Variants in MCTP1 observed in about 807,000 individuals in gnomAD.
MCTP1 encodes the protein multiple C2 and transmembrane domain-containing protein 1.
In MCTP1, 69 loss-of-function variants were observed where a neutral mutation model predicts 120.6. The observed-to-expected ratio is 0.57, with a 90% confidence interval of 0.47 to 0.70. MCTP1 has a LOEUF of 0.70. Ranked by LOEUF, MCTP1 falls within the 30% of genes least tolerant of loss-of-function variation. MCTP1 has a pLI of 0.00. For synonymous variants in MCTP1, 529 were observed against 493.1 expected (o/e 1.07, Z -0.96); for missense variants, 1,203 against 1,248.8 (o/e 0.96, Z 0.55).
Position 94,908,582 on chromosome 5 carries a change from G to T in MCTP1, c.1652+669C>A, listed in dbSNP as rs1311595368. On this transcript the variant is annotated intron_variant, in intron 10 of 22. Coordinates refer to ENST00000515393, the MANE Select transcript of MCTP1 (RefSeq NM_024717.7). Reference sequence around the variant, plus strand: ...TACACCACACTTTATTTCAATATTGGCAGGTTTCAATGTGTTTTGCTACAA... The same window carrying T: ...TACACCACACTTTATTTCAATATTGTCAGGTTTCAATGTGTTTTGCTACAA... Among the ~76,000 whole-genome samples the T allele has an allele frequency of 3.3e-5, 5 of 151,678 alleles. No homozygotes were observed. In the East Asian group the frequency reaches 9.6e-4, roughly 29 times the overall value.
chr5:94,970,431 G>A (rs981106780), intron 2 of MCTP1, among the ~76,000 whole-genome samples: 1 of 151,972 alleles, frequency 6.6e-6, no homozygotes, highest in Non-Finnish European at 1.5e-5. Flanking sequence ...ACAGCAGGTG[G>A]TATCTAAATG....
chr5:95,191,248 T>C (rs1242866967), intron 1 of MCTP1, among the ~76,000 whole-genome samples: 1 of 152,040 alleles, frequency 6.6e-6, no homozygotes, highest in East Asian at 1.9e-4. Flanking sequence ...TTTACTATAG[T>C]CATCCTGTTG....
intron 19 of MCTP1, among the ~76,000 whole-genome samples, chr5:94,717,141 C>T (rs1440949355): frequency 6.6e-6 from 1 of 152,032 alleles, no homozygotes; most frequent in Non-Finnish European, 1.5e-5. Flanking sequence ...CAAATACATT[C>T]CATATTAATG....
At chr5:94,738,376 TAC>T (rs1561550670) in intron 19 of MCTP1, among the ~76,000 whole-genome samples, 1 of 152,132 alleles carries the variant, frequency 6.6e-6, no homozygotes, top group East Asian at 1.9e-4. Flanking sequence ...TTGTTTGCAA[TAC>T]ATTCAGTAGA....
At chr5:95,106,438 AG>A (rs1259159135) in intron 1 of MCTP1, among the ~76,000 whole-genome samples, 1 of 152,188 alleles carries the variant, frequency 6.6e-6, no homozygotes, top group Non-Finnish European at 1.5e-5. Context: ...GAAAGGGAGA[AG>A]TACAATGTTC....
chr5:95,015,620 T>C (rs1381454684), intron 2 of MCTP1, among the ~76,000 whole-genome samples: 1 of 152,150 alleles, frequency 6.6e-6, no homozygotes, highest in East Asian at 1.9e-4. Context: ...ACATAGAACG[T>C]TGCATATTGT....
In MCTP1 at chr5:94,722,954, C is replaced by T. The variant is rs181669878; in HGVS notation, c.2611-8068G>A. On this transcript the variant is annotated intron_variant, in intron 19 of 22. Transcript: ENST00000515393. ...ATGCAAAATAGACTTCCTCTCAGAT[C>T]TATAATTCCAACCTAAGGAAAATAC... Among the ~76,000 whole-genome samples the T allele has an allele frequency of 3.2e-3, 485 of 152,226 alleles. 4 individuals are homozygous for T. Among genetic ancestry groups the T allele is most frequent in the South Asian group, 8.5e-3 (41 of 4,824 alleles).
chr5:94,888,075 A>AT (rs11385448), intron 12 of MCTP1, among the ~76,000 whole-genome samples: 152,327 of 152,330 alleles, frequency 1, 76,162 homozygotes, highest in Middle Eastern at 1. Context: ...ATTTGCACAA[A>AT]TGGTCAAGCC....
At chr5:94,781,790 T>C (rs1282995664) in intron 18 of MCTP1, among the ~76,000 whole-genome samples, 1 of 152,152 alleles carries the variant, frequency 6.6e-6, no homozygotes, top group Non-Finnish European at 1.5e-5. Flanking sequence ...AAGTGGGTAA[T>C]TGGCTACGCA....
chr5:94,917,869 AT>A, intron 8 of MCTP1, 26 bp downstream of exon 8: 1 of 1,599,416 alleles, frequency 6.3e-7, no homozygotes, highest in African/African-American at 1.3e-5. Context: ...TCAGAAAAAA[AT>A]AAATGAACTG....
intron 1 of MCTP1, among the ~76,000 whole-genome samples, chr5:95,038,415 T>G (rs1299177396): frequency 6.6e-6 from 1 of 152,120 alleles, no homozygotes; most frequent in Non-Finnish European, 1.5e-5. Flanking sequence ...AATGCATAAA[T>G]AAGTAAACAG....
At chr5:94,754,241 A>T (rs1332192650) in intron 19 of MCTP1, among the ~76,000 whole-genome samples, 2 of 152,238 alleles carry the variant, frequency 1.3e-5, no homozygotes, top group African/African-American at 4.8e-5. Flanking sequence ...ATTCCTAAGA[A>T]GCACATTATG....
intron 1 of MCTP1, among the ~76,000 whole-genome samples, chr5:95,232,582 C>T (rs912228699): frequency 6.6e-6 from 1 of 151,886 alleles, no homozygotes; most frequent in African/African-American, 2.4e-5. Context: ...CCTCAGCCTC[C>T]AGAGTAGCTG....
At chr5:94,887,119 T>C (rs918602040) in intron 12 of MCTP1, among the ~76,000 whole-genome samples, 4 of 152,124 alleles carry the variant, frequency 2.6e-5, no homozygotes, top group African/African-American at 9.7e-5. Flanking sequence ...AAGGTCAGCG[T>C]GAAATGGGGA....
chr5:94,751,237 G>A (rs190430880), intron 19 of MCTP1, among the ~76,000 whole-genome samples: 1 of 152,198 alleles, frequency 6.6e-6, no homozygotes, highest in East Asian at 1.9e-4. Context: ...GATGCTATGA[G>A]TTAGGGGTTT....
At chr5:94,827,784 G>A (rs1022460420) in intron 17 of MCTP1, among the ~76,000 whole-genome samples, 6 of 151,158 alleles carry the variant, frequency 4.0e-5, no homozygotes, top group African/African-American at 7.3e-5. Context: ...TATGCCTCAC[G>A]AAGTTCTTGT....
At chr5:94,873,355 A>C in intron 12 of MCTP1, 114 bp from the exon 13 acceptor site, 1 of 547,318 alleles carries the variant, frequency 1.8e-6, no homozygotes. Flanking sequence ...AAAAAAGTGA[A>C]GTACAATTTT....
At chr5:95,270,725 T>C (rs577432863) in intron 1 of MCTP1, among the ~76,000 whole-genome samples, 94 of 152,016 alleles carry the variant, frequency 6.2e-4, no homozygotes, top group Non-Finnish European at 9.6e-4. Flanking sequence ...AGGTCAGGAG[T>C]TCGAGACCAA....
intron 17 of MCTP1, among the ~76,000 whole-genome samples, chr5:94,866,693 C>T (rs768728983): frequency 6.6e-5 from 10 of 151,544 alleles, no homozygotes; most frequent in Non-Finnish European, 1.3e-4. Flanking sequence ...AGTCAAATCA[C>T]TCAAGTAATA....
Sources: gnomAD v4.1 joint callset for allele counts (sites outside exome capture counted in the v4.1 genomes callset) on GRCh38, gnomAD v4.1.1 for gene constraint, MANE v1.5 for transcripts, NCBI Gene and HGNC (gene_info 2026-07-23, HGNC 2026-07-21) for gene names.